Variants in LIN7A observed in about 807,000 individuals in gnomAD.
LIN7A encodes the protein lin-7 cell polarity scaffold A.
Under a neutral mutation model 29.8 loss-of-function variants are expected in LIN7A, and 25 were observed. That is an observed-to-expected ratio of 0.84 (90% CI 0.61 to 1.17). The LOEUF is 1.17. LIN7A is among the 50% of genes most tolerant of loss of function. The pLI is 0.00. For missense variants in LIN7A, 239 were observed against 287.0 expected, an observed-to-expected ratio of 0.83 and a Z score of 1.21; for synonymous variants, 118 against 107.5, an observed-to-expected ratio of 1.10 and a Z score of -0.60.
intron 2 of LIN7A, among the ~76,000 whole-genome samples, chr12:80,880,751 G>GCACACACACACACACACACA (rs202207302): frequency 7.3e-6 from 1 of 136,160 alleles, no homozygotes. Context: ...AGGAGGCAAC[G>GCACACACACACACACACACA]CACACACACA....
chr12:80,933,566 C>A (rs1308444077), intron 1 of LIN7A, among the ~76,000 whole-genome samples: 1 of 152,164 alleles, frequency 6.6e-6, no homozygotes, highest in East Asian at 1.9e-4. Flanking sequence ...CTTCAAATTT[C>A]AACTAATCTG....
intron 2 of LIN7A, among the ~76,000 whole-genome samples, chr12:80,859,359 G>C (rs1393989358): frequency 6.6e-6 from 1 of 152,148 alleles, no homozygotes; most frequent in African/African-American, 2.4e-5. Flanking sequence ...TTTGATTTCA[G>C]ACAATGTTGT....
chr12:80,886,777 A>G (rs903563977), intron 2 of LIN7A, among the ~76,000 whole-genome samples: 6 of 152,094 alleles, frequency 3.9e-5, no homozygotes, highest in Non-Finnish European at 7.4e-5. Flanking sequence ...TACCCACTTT[A>G]CCATAGGAAG....
chr12:80,799,117 G>T (rs541420993), intron 5 of LIN7A, among the ~76,000 whole-genome samples: 1 of 152,292 alleles, frequency 6.6e-6, no homozygotes, highest in African/African-American at 2.4e-5. Context: ...ATTTTAGTAA[G>T]TCTTGGATCT....
chr12:80,870,840 T>C (rs1874392500), intron 2 of LIN7A, among the ~76,000 whole-genome samples: 1 of 152,224 alleles, frequency 6.6e-6, no homozygotes, highest in African/African-American at 2.4e-5. Flanking sequence ...TATTTTGTTG[T>C]ACTATGGTAG....
At chr12:80,865,292 T>C (rs1874080569) in intron 2 of LIN7A, among the ~76,000 whole-genome samples, 1 of 152,200 alleles carries the variant, frequency 6.6e-6, no homozygotes, top group Admixed American at 6.5e-5. Flanking sequence ...ACCTATGAAA[T>C]GCAAAGCACA....
rs573009110 is a variant in LIN7A at position 80,837,435 on chromosome 12, G to A, written c.483+8295C>T. ...GAGGTGGGAGATTTGGCGCAGAGAA[G>A]AAGGTAATAACGTTACCATGGAGAT... On this transcript the variant is annotated intron_variant, in intron 4 of 5. Transcript: ENST00000552864. Among the ~76,000 whole-genome samples the A allele has an allele frequency of 3.3e-5, 5 of 152,242 alleles. No homozygotes were observed. The East Asian group carries it at 7.7e-4, about 24-fold the overall frequency.
intron 2 of LIN7A, among the ~76,000 whole-genome samples, chr12:80,871,584 T>G (rs1313066771): frequency 6.6e-6 from 1 of 152,066 alleles, no homozygotes; most frequent in African/African-American, 2.4e-5. Context: ...TAAGCATGTT[T>G]TTCTAACCAT....
intron 1 of LIN7A, among the ~76,000 whole-genome samples, chr12:80,907,182 G>C (rs1183273726): frequency 6.6e-6 from 1 of 151,718 alleles, no homozygotes; most frequent in Non-Finnish European, 1.5e-5. Flanking sequence ...TACTGTGGGT[G>C]ATAATTACCA....
chr12:80,907,154 T>C (rs1210333020), intron 1 of LIN7A, among the ~76,000 whole-genome samples: 2 of 150,454 alleles, frequency 1.3e-5, no homozygotes, highest in Non-Finnish European at 1.5e-5. Flanking sequence ...TGGCACACAG[T>C]GAATGCTTAA....
At chr12:80,845,614 G>GT (rs1159929345) in intron 4 of LIN7A, 116 bp downstream of exon 4, 7 of 768,634 alleles carry the variant, frequency 9.1e-6, no homozygotes, top group Non-Finnish European at 1.0e-5. Context: ...TAGAAAGCTG[G>GT]TTAGACATAA....
chr12:80,806,900 T>C (rs1231025348), intron 5 of LIN7A, among the ~76,000 whole-genome samples: 1 of 152,186 alleles, frequency 6.6e-6, no homozygotes, highest in African/African-American at 2.4e-5. Context: ...TGTGTGTGTA[T>C]TGCAAGTGCC....
At chr12:80,929,318 T>C (rs1377476266) in intron 1 of LIN7A, among the ~76,000 whole-genome samples, 1 of 152,212 alleles carries the variant, frequency 6.6e-6, no homozygotes, top group Non-Finnish European at 1.5e-5. Context: ...AAATTTTATC[T>C]CTTTTATTGT....
intron 4 of LIN7A, among the ~76,000 whole-genome samples, chr12:80,816,592 G>T (rs1270148302): frequency 6.6e-6 from 1 of 151,952 alleles, no homozygotes; most frequent in Non-Finnish European, 1.5e-5. Flanking sequence ...TAACATTGAT[G>T]TACAAAGAAA....
At chr12:80,927,043 T>C (rs1423357603) in intron 1 of LIN7A, among the ~76,000 whole-genome samples, 6 of 151,802 alleles carry the variant, frequency 4.0e-5, no homozygotes, top group Non-Finnish European at 8.8e-5. Flanking sequence ...TAATCAGATA[T>C]TAATGTTATC....
intron 4 of LIN7A, among the ~76,000 whole-genome samples, chr12:80,842,365 A>T (rs1357907912): frequency 6.6e-6 from 1 of 152,038 alleles, no homozygotes; most frequent in Non-Finnish European, 1.5e-5. Flanking sequence ...GTCTAGTTTT[A>T]TATTTTGCCT....
intron 2 of LIN7A, among the ~76,000 whole-genome samples, chr12:80,852,517 A>T (rs2121549526): frequency 6.6e-6 from 1 of 152,304 alleles, no homozygotes; most frequent in East Asian, 1.9e-4. Context: ...AAGATAAAGT[A>T]TGTGACTTCA....
intron 2 of LIN7A, among the ~76,000 whole-genome samples, chr12:80,867,325 C>G (rs1364249185): frequency 6.6e-6 from 1 of 152,158 alleles, no homozygotes; most frequent in East Asian, 1.9e-4. Context: ...TTGGCTGGAT[C>G]AGCTTCACAC....
chr12:80,914,171 T>A (rs1217886560), intron 1 of LIN7A, among the ~76,000 whole-genome samples: 1 of 152,184 alleles, frequency 6.6e-6, no homozygotes, highest in Admixed American at 6.5e-5. Context: ...ATCATACAGA[T>A]TACTATAATA....
Sources: gnomAD v4.1 joint callset for allele counts (sites outside exome capture counted in the v4.1 genomes callset) on GRCh38, gnomAD v4.1.1 for gene constraint, MANE v1.5 for transcripts, NCBI Gene and HGNC (gene_info 2026-07-23, HGNC 2026-07-21) for gene names.